The following PCDHA4 variants were observed in gnomAD, a reference collection of about 807,000 sequenced individuals.
PCDHA4 encodes the protein protocadherin alpha-4.
PCDHA4 carries 49 observed loss-of-function variants against 61.4 expected under a neutral mutation model. The observed-to-expected ratio is 0.80, with a 90% CI of 0.63 to 1.01. The LOEUF (loss-of-function observed/expected upper bound fraction) is 1.01, where lower values mean the gene tolerates loss of function less well. PCDHA4 is among the 50% of genes least tolerant of loss of function. The probability of loss-of-function intolerance (pLI) is 0.00; values close to 1 mark genes in which losing one functional copy is unlikely to be tolerated. For synonymous variants in PCDHA4, 590 were observed against 550.3 expected, an observed-to-expected ratio of 1.07 and a Z score of -1.01; for missense variants, 1,254 against 1,235.8, an observed-to-expected ratio of 1.01 and a Z score of -0.22.
At chr5:140,933,401 C>T (rs1382982699) in intron 1 of PCDHA4, among the ~76,000 whole-genome samples, 1 of 151,928 alleles carries the variant, frequency 6.6e-6, no homozygotes, top group African/African-American at 2.4e-5. Flanking sequence ...ATCTGGTTAC[C>T]ATCTACAGAT....
chr5:140,830,233 G>T (rs2150183193), intron 1 of PCDHA4: 2 of 1,613,906 alleles, frequency 1.2e-6, no homozygotes, highest in East Asian at 4.5e-5. Context: ...TGGTCCTCAC[G>T]CTACTGCTGT....
At chr5:140,877,435 G>A (rs1354877569) in intron 1 of PCDHA4, 1 of 1,613,736 alleles carries the variant, frequency 6.2e-7, no homozygotes, top group African/African-American at 1.3e-5. Context: ...GAAGGACCAC[G>A]GTGAGCCCGC....
At position 140,927,270 on chromosome 5, in the gene PCDHA4, C is replaced by T. The variant is rs541200655; in HGVS notation, c.2386-51679C>T. 5 of 1,614,150 alleles carry T rather than the reference C, an allele frequency of 3.1e-6. No individual in the cohort carries two copies. The South Asian group carries it at 3.3e-5, about 11-fold the overall frequency. ...ATGACAACTCACCTCTCTTTCCTGCCGGCGACGTGCAGCTGCACATCCCCG... is the reference window on the plus strand; with the variant it reads ...ATGACAACTCACCTCTCTTTCCTGCTGGCGACGTGCAGCTGCACATCCCCG... On this transcript the variant is annotated intron_variant, in intron 1 of 3. Transcript: ENST00000530339.
Position 140,863,100 on chromosome 5 carries a change from C to A in PCDHA4, c.2385+53528C>A, listed in dbSNP as rs146061743. 4,507 of 579,870 alleles carry A rather than the reference C, an allele frequency of 7.8e-3. 34 individuals carry two copies. The highest frequency in any genetic ancestry group is 0.018 in the Middle Eastern group (62 of 3,436). The allele number at this position is 579,870 out of a possible 1,614,324, so 35.9% of individuals were successfully genotyped here. A position where few individuals can be genotyped will look rare whatever the true frequency, so the allele number is the denominator to read the frequency against. ...CGGGCGAGATCAGCACGACGAGTAC[C>A]CTGGACGAGGCGAAAGCTACGCGCC... On this transcript the variant is annotated intron_variant, in intron 1 of 3. Coordinates refer to ENST00000530339, the MANE Select transcript of PCDHA4 (RefSeq NM_018907.4).
At chr5:140,944,378 A>G (rs1204116678) in intron 1 of PCDHA4, among the ~76,000 whole-genome samples, 1 of 151,884 alleles carries the variant, frequency 6.6e-6, no homozygotes, top group Admixed American at 6.6e-5. Flanking sequence ...ATAGAGATGG[A>G]GTCTCACTGT....
chr5:140,886,603 G>A lies in PCDHA4; in HGVS notation c.2385+77031G>A, dbSNP rs781862855. Among the ~76,000 whole-genome samples, 8 of 152,090 alleles carry A rather than the reference G, an allele frequency of 5.3e-5. No individual in the cohort carries two copies. The East Asian group carries it at 1.2e-3, about 22-fold the overall frequency. ...AGCACTTTGGGAGGCCAAGGTGGGCGGATCAGGAGATCAGGAGTCCGAGAC... is the reference window on the plus strand; with the variant it reads ...AGCACTTTGGGAGGCCAAGGTGGGCAGATCAGGAGATCAGGAGTCCGAGAC... On this transcript the variant is annotated intron_variant, in intron 1 of 3. Coordinates refer to ENST00000530339, the MANE Select transcript of PCDHA4 (RefSeq NM_018907.4).
chr5:140,973,209 C>T (rs1273068326), intron 1 of PCDHA4, among the ~76,000 whole-genome samples: 4 of 152,100 alleles, frequency 2.6e-5, no homozygotes, highest in Non-Finnish European at 4.4e-5. Flanking sequence ...GCATATTCAC[C>T]CTAATTCCAG....
At chr5:140,941,347 T>G (rs246069) in intron 1 of PCDHA4, among the ~76,000 whole-genome samples, 2 of 130,422 alleles carry the variant, frequency 1.5e-5, no homozygotes, top group African/African-American at 5.9e-5. Context: ...GATGGAGTCT[T>G]GCTCTGTTGC....
intron 1 of PCDHA4, chr5:140,856,389 A>G (rs1554148624): frequency 6.3e-7 from 1 of 1,598,440 alleles, no homozygotes; most frequent in African/African-American, 1.3e-5. Context: ...AGGCCGCTGC[A>G]GGTTTTCCAT....
At chr5:140,882,931 G>A in intron 1 of PCDHA4, 1 of 1,614,206 alleles carries the variant, frequency 6.2e-7, no homozygotes. Context: ...GTAAACCCGA[G>A]CTGACTGGCA....
chr5:140,821,988 G>A (rs2150112671), intron 1 of PCDHA4: 52 of 1,614,070 alleles, frequency 3.2e-5, no homozygotes, highest in Admixed American at 3.2e-4. Flanking sequence ...AGGGCCGCGG[G>A]GACCTTCTGG....
In PCDHA4 at chr5:140,982,523, G is replaced by A; in HGVS notation, c.2493G>A (p.Gly831=). Residue 831 remains glycine (G), a synonymous_variant, in exon 3 of 4, where the codon GGG becomes GGA. Coordinates refer to ENST00000530339, the MANE Select transcript of PCDHA4 (RefSeq NM_018907.4). ...EAGILRAGPG[G]PDQQWPTVSS... ...GCATTCTACGGGCTGGTCCAGGAGGGCCTGATCAGCAGTGGCCAACAGTAT... is the reference window on the plus strand; with the variant it reads ...GCATTCTACGGGCTGGTCCAGGAGGACCTGATCAGCAGTGGCCAACAGTAT... 6.2e-7 allele frequency: 1 copy of A among 1,614,220 alleles called. No individual in the cohort carries two copies. The highest frequency in any genetic ancestry group is 8.5e-7 in the Non-Finnish European group (1 of 1,180,034).
At chr5:140,829,005 G>C (rs2150161875) in intron 1 of PCDHA4, 5 of 1,613,588 alleles carry the variant, frequency 3.1e-6, no homozygotes, top group Non-Finnish European at 3.4e-6. Context: ...ATAGTGATTC[G>C]GGGTAATTTG....
intron 1 of PCDHA4, chr5:140,822,487 G>A: frequency 6.2e-7 from 1 of 1,613,762 alleles, no homozygotes; most frequent in South Asian, 1.1e-5. Context: ...TAATGATAAC[G>A]CCCCAGAATT....
At chr5:140,934,365 A>T (rs2089794268) in intron 1 of PCDHA4, among the ~76,000 whole-genome samples, 1 of 151,884 alleles carries the variant, frequency 6.6e-6, no homozygotes, top group Non-Finnish European at 1.5e-5. Context: ...CACTGCTTTG[A>T]CTCCTTCTGT....
rs370111655 is a variant in PCDHA4, at chr5:140,902,185, TTCTC to T, written c.2386-76752_2386-76749del. Reference sequence around the variant, plus strand: ...TTCTAATTTGGATGTCCTTTATGTCTTCTCTCTCTCTCTCTTTCTTTTTTTTTTT... The same window carrying T: ...TTCTAATTTGGATGTCCTTTATGTCTTCTCTCTCTCTTTCTTTTTTTTTTT... On this transcript the variant is annotated intron_variant, in intron 1 of 3. Coordinates refer to ENST00000530339, the MANE Select transcript of PCDHA4 (RefSeq NM_018907.4). Among the ~76,000 whole-genome samples, 704 of 150,894 alleles carry T rather than the reference TTCTC, an allele frequency of 4.7e-3. 6 individuals carry two copies. Among genetic ancestry groups the T allele is most frequent in the African/African-American group, 0.015 (608 of 41,076 alleles).
rs375332226 is a variant in PCDHA4 at position 141,003,567 on chromosome 5, ACTCCCAAAGTG to A, written c.2534-6057_2534-6047del. Among the ~76,000 whole-genome samples, 186 of 152,020 alleles carry A rather than the reference ACTCCCAAAGTG, an allele frequency of 1.2e-3. 1 individual carries two copies. Among genetic ancestry groups the A allele is most frequent in the African/African-American group, 4.1e-3 (172 of 41,464 alleles). On this transcript the variant is annotated intron_variant, in intron 3 of 3. Coordinates refer to ENST00000530339, the MANE Select transcript of PCDHA4 (RefSeq NM_018907.4). ...GCTTCAAGTGATCCACCTGCCTCAGACTCCCAAAGTGCTGGGATTTTAGATGTGAGCCACCA... is the reference window on the plus strand; with the variant it reads ...GCTTCAAGTGATCCACCTGCCTCAGACTGGGATTTTAGATGTGAGCCACCA...
At chr5:140,927,243 C>A in intron 1 of PCDHA4, 1 of 1,614,132 alleles carries the variant, frequency 6.2e-7, no homozygotes. Flanking sequence ...TCCTGGACAC[C>A]AATGACAACT....
At chr5:140,864,940 G>T (rs528676037) in intron 1 of PCDHA4, 4 of 152,296 alleles carry the variant, frequency 2.6e-5, no homozygotes, top group African/African-American at 9.6e-5. Flanking sequence ...TCTCAGGCCT[G>T]TAATCCCAGC....
Sources: gnomAD v4.1 joint callset for allele counts (sites outside exome capture counted in the v4.1 genomes callset) on GRCh38, gnomAD v4.1.1 for gene constraint, MANE v1.5 for transcripts, NCBI Gene and HGNC (gene_info 2026-07-23, HGNC 2026-07-21) for gene names.